TRANK1: variants seen among roughly 807,000 people sequenced by gnomAD.
TRANK1 encodes the protein TPR and ankyrin repeat-containing protein 1.
Under a neutral mutation model 266.0 loss-of-function variants are expected in TRANK1, and 198 were observed. That is an observed-to-expected ratio of 0.74 (90% CI 0.66 to 0.84). The LOEUF is 0.84. Among genes scored for constraint, TRANK1 ranks in the 40% least tolerant of loss-of-function variants. The pLI is 0.00. For missense variants in TRANK1, 3,326 were observed against 3,634.6 expected (o/e 0.92, Z 2.18); for synonymous variants, 1,396 against 1,384.1 (o/e 1.01, Z -0.19).
At position 36,856,650 on chromosome 3, in the gene TRANK1, A is replaced by C. The variant is rs774943550; in HGVS notation, c.3072T>G (p.Tyr1024Ter). ...FPPASAVETE[Y>*]NIMKFHSFST... ...TGAAGCTGTGGAACTTCATGATGTT[A>C]TATTCTGTCTCCACTGCACTGGCTG... The change falls in exon 13 of 24, where the codon TAT (tyrosine) becomes TAG (stop). Residue 1024 changes from tyrosine (Y) to a stop codon, truncating the protein, a stop_gained. Transcript: ENST00000645898. LOFTEE classifies it high-confidence loss of function. The C allele has an allele frequency of 1.9e-6, 3 of 1,613,912 alleles. No homozygotes were observed. The highest frequency in any genetic ancestry group is 2.5e-6 in the Non-Finnish European group (3 of 1,179,896).
chr3:36,927,061 T>C (rs751866190), intron 1 of TRANK1, among the ~76,000 whole-genome samples: 3 of 152,174 alleles, frequency 2.0e-5, no homozygotes, highest in Non-Finnish European at 4.4e-5. Context: ...GTAAAAGAAC[T>C]AATGAATCCC....
intron 13 of TRANK1, among the ~76,000 whole-genome samples, chr3:36,854,450 C>A (rs1270754916): frequency 6.6e-6 from 1 of 152,064 alleles, no homozygotes; most frequent in East Asian, 1.9e-4. Context: ...CCAGCATGAT[C>A]CCATTACAGT....
Position 36,855,671 on chromosome 3 carries a change from T to G in TRANK1, c.4051A>C (p.Lys1351Gln), listed in dbSNP as rs745415429. ...TCAAAAGAACCCTTTAGAAAAGATT[T>G]TATTTCTTTCCAAATCAGTGCAGGG... Reference protein sequence around the residue: ...YNPALIWKEIKSFLKGSFEAL... With the variant: ...YNPALIWKEIQSFLKGSFEAL... The change falls in exon 13 of 24, where the codon AAA becomes CAA. Residue 1351 changes from lysine to glutamine, a missense_variant. Physicochemically the swap from Lys to Gln is moderately conservative, Grantham distance 53. Coordinates refer to ENST00000645898, the MANE Select transcript of TRANK1 (RefSeq NM_001329998.2). 1 of 1,613,860 alleles carries G rather than the reference T, an allele frequency of 6.2e-7. No homozygotes were observed. Among genetic ancestry groups the G allele is most frequent in the Non-Finnish European group, 8.5e-7 (1 of 1,179,874 alleles).
chr3:36,836,501 A>G (rs2078772137), intron 20 of TRANK1, among the ~76,000 whole-genome samples: 1 of 152,264 alleles, frequency 6.6e-6, no homozygotes, highest in African/African-American at 2.4e-5. Context: ...ATATGTATAG[A>G]AGACACCACT....
chr3:36,937,524 G>A (rs1473322565), intron 1 of TRANK1, among the ~76,000 whole-genome samples: 1 of 152,170 alleles, frequency 6.6e-6, no homozygotes, highest in African/African-American at 2.4e-5. Flanking sequence ...CAACCCATAG[G>A]ACAGAAGAGG....
At chr3:36,862,390 TAAG>T (rs1208812679) in intron 10 of TRANK1, among the ~76,000 whole-genome samples, 3 of 152,280 alleles carry the variant, frequency 2.0e-5, no homozygotes, top group South Asian at 4.1e-4. Context: ...CATTTTAAAA[TAAG>T]AAGAAATTAA....
intron 1 of TRANK1, among the ~76,000 whole-genome samples, chr3:36,909,812 C>G (rs1195767647): frequency 6.6e-6 from 1 of 152,168 alleles, no homozygotes; most frequent in South Asian, 2.1e-4. Flanking sequence ...AGACACATGA[C>G]TCTTAAGTCA....
chr3:36,862,219 T>G (rs1015966032), intron 10 of TRANK1, among the ~76,000 whole-genome samples: 1 of 152,152 alleles, frequency 6.6e-6, no homozygotes, highest in Non-Finnish European at 1.5e-5. Context: ...GTATTTTGTC[T>G]GGCAACCCTA....
intron 1 of TRANK1, among the ~76,000 whole-genome samples, chr3:36,913,278 T>C (rs557843757): frequency 1.8e-4 from 27 of 152,234 alleles, no homozygotes; most frequent in Admixed American, 7.2e-4. Context: ...CTCGAACTCC[T>C]GACCTCAAGT....
chr3:36,857,402 G>T lies in TRANK1; in HGVS notation c.2320C>A (p.Pro774Thr). Residue 774 changes from proline to threonine, a missense_variant, in exon 13 of 24, where the codon CCG becomes ACG. By Grantham distance (38) the Pro-to-Thr change is conservative. Transcript: ENST00000645898. The surrounding 1 kb of genome is among the most constrained non-coding windows in gnomAD (Gnocchi z 4.3). ...TCAGGGGCCCCTGCACCCAGAGTCG[G>T]CTTGTCATCTTTCTTTCCTTCTTTG... ...AGKEGKKDDKPTLGAGAPDCS... is the reference protein window; with the variant it reads ...AGKEGKKDDKTTLGAGAPDCS... 3.7e-6 allele frequency: 6 copies of T among 1,613,376 alleles called. No individual in the cohort carries two copies. The highest frequency in any genetic ancestry group is 5.1e-6 in the Non-Finnish European group (6 of 1,179,576).
Position 36,944,940 on chromosome 3 carries a change from G to C in TRANK1, c.-131C>G, listed in dbSNP as rs1351355397. ...CGGGGCAGGGGCGGCGCGATGCAGA[G>C]GCGGCGTTCGGGGGCCCCCAGCTGC... is the stretch of plus-strand genomic sequence containing the variant. On this transcript the variant is annotated 5_prime_UTR_variant, in exon 1 of 24. Transcript: ENST00000645898. 43 of 987,468 alleles carry C rather than the reference G, an allele frequency of 4.4e-5. No homozygotes were observed. Among genetic ancestry groups the C allele is most frequent in the Non-Finnish European group, 4.1e-6 (3 of 736,380 alleles). The allele number at this position is 987,468 out of a possible 1,614,324, so 61.2% of individuals were successfully genotyped here.
chr3:36,889,009 G>A (rs529800059), intron 8 of TRANK1, among the ~76,000 whole-genome samples: 1 of 152,202 alleles, frequency 6.6e-6, no homozygotes, highest in South Asian at 2.1e-4. Context: ...TTGTGCCACT[G>A]CACTCCAGCC....
chr3:36,898,944 G>A (rs547808428), intron 4 of TRANK1, among the ~76,000 whole-genome samples, 165 bp downstream of exon 4: 25 of 151,894 alleles, frequency 1.6e-4, no homozygotes, highest in South Asian at 1.2e-3. Flanking sequence ...AGAAGCCACC[G>A]AAGCATCCAA....
At chr3:36,924,896 C>G (rs984079672) in intron 1 of TRANK1, among the ~76,000 whole-genome samples, 2 of 152,232 alleles carry the variant, frequency 1.3e-5, no homozygotes, top group African/African-American at 4.8e-5. Flanking sequence ...TGGCCTTAAG[C>G]TAAAGAGGCT....
chr3:36,842,478 G>T, intron 18 of TRANK1, 144 bp downstream of exon 18: 1 of 706,424 alleles, frequency 1.4e-6, no homozygotes, highest in Non-Finnish European at 2.5e-6. Flanking sequence ...TCCTCATCTT[G>T]AGGTGACCTG....
rs367805171 is a variant in TRANK1, at chr3:36,856,437, G to T, written c.3285C>A (p.His1095Gln). ...CCLYRLWKKF[H>Q]VYWEKAEQAG... ...CCTGCTCAGCTTTTTCCCAGTAAAC[G>T]TGGAATTTCTTCCACAATCTGTACA... The change falls in exon 13 of 24, where the codon CAC (histidine) becomes CAA (glutamine). Residue 1095 changes from histidine to glutamine, a missense_variant. Coordinates refer to ENST00000645898, the MANE Select transcript of TRANK1 (RefSeq NM_001329998.2). 1.9e-6 allele frequency: 3 copies of T among 1,613,804 alleles called. No homozygotes were observed. In the South Asian group the frequency reaches 3.3e-5, roughly 18 times the overall value.
chr3:36,903,624 G>A (rs1026063041), intron 2 of TRANK1, among the ~76,000 whole-genome samples: 1 of 152,242 alleles, frequency 6.6e-6, no homozygotes, highest in African/African-American at 2.4e-5. Context: ...GGCCCTGGGA[G>A]CAGGGCCTAT....
chr3:36,849,734 T>A (rs1351568220), intron 15 of TRANK1, among the ~76,000 whole-genome samples: 1 of 152,226 alleles, frequency 6.6e-6, no homozygotes, highest in African/African-American at 2.4e-5. Context: ...TCTCCTTTTA[T>A]GAAAGCGTTT....
chr3:36,944,388 T>A (rs13421), intron 1 of TRANK1, among the ~76,000 whole-genome samples: 2 of 152,020 alleles, frequency 1.3e-5, no homozygotes, highest in Non-Finnish European at 2.9e-5. Flanking sequence ...CGCTCCCAGG[T>A]TTCTGCCCGC....
Sources: allele counts gnomAD v4.1 joint callset (sites outside exome capture counted in the v4.1 genomes callset), GRCh38; gene constraint gnomAD v4.1.1; non-coding constraint Gnocchi (gnomAD v3.1); transcripts MANE v1.5; gene names NCBI Gene and HGNC (gene_info 2026-07-23, HGNC 2026-07-21).